The following PLEKHA6 variants were observed in gnomAD, a reference collection of about 807,000 sequenced individuals.
The protein encoded by PLEKHA6 is pleckstrin homology domain-containing family A member 6.
A neutral mutation model predicts 116.7 loss-of-function variants in PLEKHA6; 60 were observed. That is an observed-to-expected ratio of 0.51 (90% CI 0.42 to 0.64). The LOEUF (loss-of-function observed/expected upper bound fraction) is 0.64. Among genes scored for constraint, PLEKHA6 ranks in the 30% least tolerant of loss-of-function variants. PLEKHA6 has a pLI of 0.00. For synonymous variants in PLEKHA6, 489 were observed against 556.1 expected (o/e 0.88, Z 1.70); for missense variants, 1,338 against 1,422.7 (o/e 0.94, Z 0.96).
chr1:204,235,310 G>C (rs986039598), intron 17 of PLEKHA6, among the ~76,000 whole-genome samples: 2 of 152,088 alleles, frequency 1.3e-5, no homozygotes, highest in African/African-American at 2.4e-5. Flanking sequence ...GGTTCATTGA[G>C]AGGCAAGGAG....
intron 1 of PLEKHA6, among the ~76,000 whole-genome samples, chr1:204,290,651 A>C (rs370398983): frequency 6.6e-6 from 1 of 152,346 alleles, no homozygotes; most frequent in East Asian, 1.9e-4. Flanking sequence ...ATCAAGAAAA[A>C]TCAATAAATT....
At chr1:204,373,246 G>A (rs772812334) in intron 1 of PLEKHA6, among the ~76,000 whole-genome samples, 5 of 151,970 alleles carry the variant, frequency 3.3e-5, no homozygotes, top group Non-Finnish European at 2.9e-5. Context: ...GCAACACCAC[G>A]CCTGGCTAAT....
intron 1 of PLEKHA6, among the ~76,000 whole-genome samples, chr1:204,303,128 G>A (rs1181189254): frequency 1.3e-5 from 2 of 152,102 alleles, no homozygotes; most frequent in Non-Finnish European, 2.9e-5. Flanking sequence ...GTTCTTAAGG[G>A]CTATGCTGCT....
At chr1:204,345,039 T>C (rs1250650178) in intron 1 of PLEKHA6, among the ~76,000 whole-genome samples, 2 of 152,196 alleles carry the variant, frequency 1.3e-5, no homozygotes, top group Non-Finnish European at 2.9e-5. Flanking sequence ...ATTGTGTTAA[T>C]TGCTGTGGGG....
upstream of PLEKHA6, among the ~76,000 whole-genome samples, chr1:204,364,321 T>C (rs556488894): frequency 9.9e-5 from 15 of 152,278 alleles, no homozygotes; most frequent in African/African-American, 3.6e-4. Flanking sequence ...GAGCACTTCG[T>C]TTGTCCAAGC....
At chr1:204,236,980 A>G (rs1488917627) in intron 17 of PLEKHA6, among the ~76,000 whole-genome samples, 1 of 152,222 alleles carries the variant, frequency 6.6e-6, no homozygotes, top group Non-Finnish European at 1.5e-5. Flanking sequence ...TCCTTCTCCA[A>G]GGAGACCTCT....
chr1:204,252,828 G>A (rs972421267), intron 9 of PLEKHA6, among the ~76,000 whole-genome samples: 3 of 152,192 alleles, frequency 2.0e-5, no homozygotes, highest in Admixed American at 6.5e-5. Context: ...TACCTCTTTA[G>A]CCCTGTAATG....
chr1:204,263,896 G>A (rs1456415236), intron 6 of PLEKHA6, among the ~76,000 whole-genome samples: 1 of 152,150 alleles, frequency 6.6e-6, no homozygotes, highest in Non-Finnish European at 1.5e-5. Context: ...ACCCCGGGAG[G>A]CTGGAAACTA....
chr1:204,292,831 A>C (rs1197065628), intron 1 of PLEKHA6, among the ~76,000 whole-genome samples: 1 of 152,214 alleles, frequency 6.6e-6, no homozygotes. Flanking sequence ...TTTGATGTGA[A>C]GAGGGGGAAT....
chr1:204,259,170 C>G lies in PLEKHA6; in HGVS notation c.1007+88G>C. 1 of 1,441,496 alleles carries G rather than the reference C, an allele frequency of 6.9e-7. No individual in the cohort carries two copies. 89.3% of individuals were successfully genotyped at this position (1,441,496 alleles called of 1,614,324 possible). ...CAGCCTGCTTCCAGAAGGTTTCCAA[C>G]AGGGGATGCCTCGTGGGCTATGACC... On this transcript the variant is annotated intron_variant, in intron 8 of 22. Coordinates refer to ENST00000272203, the MANE Select transcript of PLEKHA6 (RefSeq NM_014935.5). This position sits in a 1 kb window ranked among gnomAD's most constrained non-coding sequence, Gnocchi z 4.6.
intron 1 of PLEKHA6, among the ~76,000 whole-genome samples, chr1:204,328,042 TTTATTTTA>T (rs145554047): frequency 0.024 from 3,291 of 134,606 alleles, 117 homozygotes; most frequent in African/African-American, 0.083. Context: ...GCTGCTTTTA[TTTATTTTA>T]TTTATTTATT....
At position 204,244,866 on chromosome 1, in the gene PLEKHA6, C is replaced by T. The variant is rs774563127; in HGVS notation, c.2170G>A (p.Glu724Lys). ...QGSPTKPGSN[E>K]PKANYEQSKK... ...TTCTACTCCATTTCTCAACTTACCTCGTTGGAGCCAGGCTTGGTGGGGGAC... is the reference window on the plus strand; with the variant it reads ...TTCTACTCCATTTCTCAACTTACCTTGTTGGAGCCAGGCTTGGTGGGGGAC... The change falls in exon 15 of 23, where the codon GAG becomes AAG. Residue 724 changes from glutamate (E) to lysine (K), a missense_variant and splice_region_variant. By Grantham distance (56) the Glu-to-Lys change is moderately conservative (BLOSUM62 1). Coordinates refer to ENST00000272203, the MANE Select transcript of PLEKHA6 (RefSeq NM_014935.5). 1.0e-5 allele frequency: 16 copies of T among 1,566,218 alleles called. No homozygotes were observed. The highest frequency in any genetic ancestry group is 4.7e-5 in the South Asian group (4 of 85,236).
upstream of PLEKHA6, among the ~76,000 whole-genome samples, chr1:204,361,926 A>T (rs1013488906): frequency 6.6e-6 from 1 of 152,246 alleles, no homozygotes; most frequent in Non-Finnish European, 1.5e-5. Context: ...ATCCTCAGGC[A>T]GCTGGAAAAG....
intron 1 of PLEKHA6, among the ~76,000 whole-genome samples, chr1:204,376,254 G>A (rs552429879): frequency 1.3e-5 from 2 of 152,284 alleles, no homozygotes; most frequent in Non-Finnish European, 2.9e-5. Flanking sequence ...CAGTATACCT[G>A]AGGGGCTCAT....
intron 1 of PLEKHA6, among the ~76,000 whole-genome samples, chr1:204,305,898 C>G (rs1034684091): frequency 7.9e-5 from 12 of 152,190 alleles, no homozygotes; most frequent in African/African-American, 2.9e-4. Flanking sequence ...TTTTGTTGCA[C>G]TTTGCCCATC....
intron 6 of PLEKHA6, among the ~76,000 whole-genome samples, chr1:204,263,544 G>A (rs1666398905): frequency 6.6e-6 from 1 of 152,126 alleles, no homozygotes; most frequent in Non-Finnish European, 1.5e-5. Context: ...GTTTAAAAGA[G>A]GCAGCGCAGT....
chr1:204,308,687 C>CTT lies in PLEKHA6; in HGVS notation c.-94-33880_-94-33879dup, dbSNP rs60251937. Among the ~76,000 whole-genome samples, 23 of 81,406 alleles carry CTT rather than the reference C, an allele frequency of 2.8e-4. 1 individual carries two copies. Among genetic ancestry groups the CTT allele is most frequent in the Non-Finnish European group, 4.3e-4 (20 of 46,528 alleles). 53.4% of individuals were successfully genotyped at this position (81,406 alleles called of 152,430 possible). On this transcript the variant is annotated intron_variant, in intron 1 of 22. Coordinates refer to ENST00000272203, the MANE Select transcript of PLEKHA6 (RefSeq NM_014935.5). Reference sequence around the variant, plus strand: ...CAAGAAGGTAATTCTTTTTCTTTTTCTTTTTTTTTTTTTTTTTTTTTGAGA... The same window carrying CTT: ...CAAGAAGGTAATTCTTTTTCTTTTTCTTTTTTTTTTTTTTTTTTTTTTTGAGA...
At chr1:204,362,754 C>T (rs1349430022), upstream of PLEKHA6, among the ~76,000 whole-genome samples, 1 of 152,132 alleles carries the variant, frequency 6.6e-6, no homozygotes, top group African/African-American at 2.4e-5. Flanking sequence ...GCTATGTTGC[C>T]CAGATTGGTC....
chr1:204,358,331 C>T (rs1396050872), intron 1 of PLEKHA6, among the ~76,000 whole-genome samples: 5 of 152,060 alleles, frequency 3.3e-5, no homozygotes, highest in Non-Finnish European at 7.4e-5. Context: ...AGAGCCTAGC[C>T]GCTCCCACCT....
Sources: allele counts gnomAD v4.1 joint callset (sites outside exome capture counted in the v4.1 genomes callset), GRCh38; gene constraint gnomAD v4.1.1; non-coding constraint Gnocchi (gnomAD v3.1); transcripts MANE v1.5; gene names NCBI Gene and HGNC (gene_info 2026-07-23, HGNC 2026-07-21).